The following ANGPTL4 variants were observed in gnomAD, a reference collection of about 807,000 sequenced individuals.
ANGPTL4 encodes angiopoietin like 4.
A neutral mutation model predicts 39.2 loss-of-function variants in ANGPTL4; 39 were observed. The observed-to-expected ratio is 1.00, with a 90% confidence interval of 0.77 to 1.30. The LOEUF is 1.30. ANGPTL4 is among the 50% of genes most tolerant of loss of function. ANGPTL4 has a pLI of 0.00. For synonymous variants in ANGPTL4, 233 were observed against 229.5 expected, an observed-to-expected ratio of 1.02 and a Z score of -0.14; for missense variants, 545 against 549.8, an observed-to-expected ratio of 0.99 and a Z score of 0.09.
intron 2 of ANGPTL4, 49 bp from the exon 3 acceptor site, chr19:8,366,153 G>A: frequency 6.2e-7 from 1 of 1,611,032 alleles, no homozygotes; most frequent in Non-Finnish European, 8.5e-7. Context: ...GTGTGGCTGG[G>A]GACGTGGGGC....
intron 1 of ANGPTL4, among the ~76,000 whole-genome samples, chr19:8,365,333 C>T (rs927906970): frequency 1.0e-4 from 15 of 144,992 alleles, no homozygotes; most frequent in African/African-American, 3.9e-4. Flanking sequence ...CAAAAATTAG[C>T]TGGGTGTGGT....
chr19:8,373,841 C>T lies in ANGPTL4; in HGVS notation c.1176C>T (p.Ala392=), dbSNP rs1971178403. ...GGGGCCGCTACTACCCGCTGCAGGC[C>T]ACCACCATGTTGATCCAGCCCATGG... is the stretch of plus-strand genomic sequence containing the variant. ...TWRGRYYPLQ[A]TTMLIQPMAA... The change falls in exon 7 of 7, where the codon GCC becomes GCT. Residue 392 remains alanine (A), a synonymous_variant. Transcript: ENST00000301455. The T allele has an allele frequency of 1.9e-6, 3 of 1,613,818 alleles. No homozygotes were observed. The East Asian group carries it at 6.7e-5, about 36-fold the overall frequency.
chr19:8,367,015 T>C (rs1971020341), intron 3 of ANGPTL4, among the ~76,000 whole-genome samples: 1 of 151,974 alleles, frequency 6.6e-6, no homozygotes, highest in Non-Finnish European at 1.5e-5. Context: ...CGCGGTTCTC[T>C]AAGTTCACGG....
intron 3 of ANGPTL4, among the ~76,000 whole-genome samples, chr19:8,369,003 G>A (rs757915624): frequency 3.9e-5 from 6 of 152,212 alleles, no homozygotes; most frequent in Admixed American, 3.9e-4. Context: ...GGATGGGCAC[G>A]GGGGCTGGTC....
chr19:8,372,171 C>G (rs1006861905), intron 6 of ANGPTL4, among the ~76,000 whole-genome samples: 1 of 151,814 alleles, frequency 6.6e-6, no homozygotes, highest in Non-Finnish European at 1.5e-5. Flanking sequence ...ATTCTCCTGC[C>G]TCAGCCTCCT....
At chr19:8,366,717 T>G (rs999807061) in intron 3 of ANGPTL4, among the ~76,000 whole-genome samples, 2 of 151,892 alleles carry the variant, frequency 1.3e-5, no homozygotes, top group Non-Finnish European at 2.9e-5. Flanking sequence ...GGTAGTAGTG[T>G]TTGTAGATTT....
chr19:8,364,396 C>T lies in ANGPTL4; in HGVS notation c.75C>T (p.Gly25=). ...CCGCCGTGCTACTGAGCGCTCAGGG[C>T]GGACCCGTGCAGTCCAAGTCGCCGC... ...AATAVLLSAQ[G]GPVQSKSPRF... Residue 25 remains glycine (G), a synonymous_variant, in exon 1 of 7, where the codon GGC becomes GGT. Coordinates refer to ENST00000301455, the MANE Select transcript of ANGPTL4 (RefSeq NM_139314.3). 6.5e-7 allele frequency: 1 copy of T among 1,546,238 alleles called. No homozygotes were observed.
At chr19:8,372,768 G>A (rs1308147852) in intron 6 of ANGPTL4, among the ~76,000 whole-genome samples, 2 of 151,890 alleles carry the variant, frequency 1.3e-5, no homozygotes, top group African/African-American at 4.8e-5. Context: ...ACTCAAGCCT[G>A]GGTGACAGAG....
chr19:8,370,197 C>T (rs1328039656), intron 4 of ANGPTL4, among the ~76,000 whole-genome samples: 2 of 151,612 alleles, frequency 1.3e-5, no homozygotes, highest in Admixed American at 6.6e-5. Flanking sequence ...AGCGAGACTC[C>T]GTCCCCCCAT....
At chr19:8,370,751 T>C (rs1244144199) in intron 4 of ANGPTL4, among the ~76,000 whole-genome samples, 1 of 151,726 alleles carries the variant, frequency 6.6e-6, no homozygotes, top group Non-Finnish European at 1.5e-5. Context: ...GAGAAGTCCT[T>C]TCCATTACAA....
At position 8,371,028 on chromosome 19, in the gene ANGPTL4, C is replaced by T. The variant is rs1034702074; in HGVS notation, c.662-28C>T. The T allele has an allele frequency of 6.4e-7, 1 of 1,563,364 alleles. No homozygotes were observed. The highest frequency in any genetic ancestry group is 2.4e-5 in the East Asian group (1 of 42,078). On this transcript the variant is annotated intron_variant, in intron 4 of 6. Transcript: ENST00000301455. This position sits in a 1 kb window ranked among gnomAD's most constrained non-coding sequence, Gnocchi z 5.1. Reference sequence around the variant, plus strand: ...TGGGGTCGTCTGTGAAGAGGGACTTCCTGGTGACCTTGTACCTTTCTGGGC... The same window carrying T: ...TGGGGTCGTCTGTGAAGAGGGACTTTCTGGTGACCTTGTACCTTTCTGGGC...
chr19:8,371,672 C>A lies in ANGPTL4; in HGVS notation c.1039+150C>A. ...GTGTGTGATTGGGCCACTAACTTAG[C>A]CTATCTGGCCTCAGTTTTCCCATCC... On this transcript the variant is annotated intron_variant, in intron 6 of 6. Coordinates refer to ENST00000301455, the MANE Select transcript of ANGPTL4 (RefSeq NM_139314.3). The surrounding 1 kb of genome is among the most constrained non-coding windows in gnomAD (Gnocchi z 5.1). The A allele has an allele frequency of 8.0e-6, 9 of 1,128,568 alleles. No homozygotes were observed. 69.9% of individuals were successfully genotyped at this position (1,128,568 alleles called of 1,614,324 possible). A position where few individuals can be genotyped will look rare whatever the true frequency, so the allele number is the denominator to read the frequency against.
At chr19:8,368,542 T>C (rs1349967235) in intron 3 of ANGPTL4, among the ~76,000 whole-genome samples, 2 of 152,032 alleles carry the variant, frequency 1.3e-5, no homozygotes, top group Non-Finnish European at 2.9e-5. Flanking sequence ...TTCCAGAAGC[T>C]GGGACCCAGA....
chr19:8,364,182 C>T lies in ANGPTL4; in HGVS notation c.-140C>T, dbSNP rs35137994. On this transcript the variant is annotated 5_prime_UTR_variant, in exon 1 of 7. In the 5' UTR this introduces an upstream ATG that the reference lacks. Transcript: ENST00000301455. ...AAGCCGAGCTGAGCGGATCCTCACA[C>T]GACTGTGATCCGATTCTTTCCAGCG... The T allele has an allele frequency of 0.063, 56,896 of 909,746 alleles. 2,362 individuals are homozygous for T. Among genetic ancestry groups the T allele is most frequent in the South Asian group, 0.15 (8,529 of 58,338 alleles). The allele number at this position is 909,746 out of a possible 1,614,324, so 56.4% of individuals were successfully genotyped here. A position where few individuals can be genotyped will look rare whatever the true frequency, so the allele number is the denominator to read the frequency against.
chr19:8,370,195 T>C (rs1023880824), intron 4 of ANGPTL4, among the ~76,000 whole-genome samples: 3 of 148,668 alleles, frequency 2.0e-5, no homozygotes, highest in African/African-American at 5.0e-5. Context: ...AGAGCGAGAC[T>C]CCGTCCCCCC....
At position 8,371,029 on chromosome 19, in the gene ANGPTL4, C is replaced by T. The variant is rs959345893; in HGVS notation, c.662-27C>T. On this transcript the variant is annotated intron_variant, in intron 4 of 6. Coordinates refer to ENST00000301455, the MANE Select transcript of ANGPTL4 (RefSeq NM_139314.3). The surrounding 1 kb of genome is among the most constrained non-coding windows in gnomAD (Gnocchi z 5.1). Reference sequence around the variant, plus strand: ...GGGGTCGTCTGTGAAGAGGGACTTCCTGGTGACCTTGTACCTTTCTGGGCA... The same window carrying T: ...GGGGTCGTCTGTGAAGAGGGACTTCTTGGTGACCTTGTACCTTTCTGGGCA... 5 of 1,564,218 alleles carry T rather than the reference C, an allele frequency of 3.2e-6. No individual in the cohort carries two copies. The highest frequency in any genetic ancestry group is 4.3e-6 in the Non-Finnish European group (5 of 1,153,696).
At position 8,364,283 on chromosome 19, in the gene ANGPTL4, G is replaced by A. The variant is rs1970947595; in HGVS notation, c.-39G>A. 3.3e-6 allele frequency: 5 copies of A among 1,526,662 alleles called. No individual in the cohort carries two copies. The Admixed American group carries it at 5.9e-5, about 18-fold the overall frequency. 94.6% of individuals were successfully genotyped at this position (1,526,662 alleles called of 1,614,324 possible). A position where few individuals can be genotyped will look rare whatever the true frequency, so the allele number is the denominator to read the frequency against. On this transcript the variant is annotated 5_prime_UTR_variant, in exon 1 of 7. Transcript: ENST00000301455. ...TCGCACCTGGAACCCCAACGTCCCCGAGAGTCCCCGAATCCCCGCTCCCAG... is the reference window on the plus strand; with the variant it reads ...TCGCACCTGGAACCCCAACGTCCCCAAGAGTCCCCGAATCCCCGCTCCCAG...
Position 8,369,298 on chromosome 19 carries a change from T to A in ANGPTL4, c.627T>A (p.Ser209=). ...TATTTGAAATCCAGCCTCAGGGGTC[T>A]CCGCCATTTTTGGTGAACTGCAAGA... is the stretch of plus-strand genomic sequence containing the variant. The part of the protein sequence containing the change: ...SGLFEIQPQG[S]PPFLVNCKMT... Residue 209 remains serine, a synonymous_variant, in exon 4 of 7, where the codon TCT becomes TCA. Coordinates refer to ENST00000301455, the MANE Select transcript of ANGPTL4 (RefSeq NM_139314.3). The A allele has an allele frequency of 6.2e-7, 1 of 1,612,280 alleles. No individual in the cohort carries two copies. Among genetic ancestry groups the A allele is most frequent in the Non-Finnish European group, 8.5e-7 (1 of 1,179,756 alleles).
Position 8,366,214 on chromosome 19 carries a change from G to A in ANGPTL4, c.442G>A (p.Asp148Asn). The change falls in exon 3 of 7, where the codon GAC (aspartate) becomes AAC (asparagine). Residue 148 changes from aspartate (D) to asparagine (N), a missense_variant. Physicochemically the swap from Asp to Asn is conservative, Grantham distance 23 (BLOSUM62 1). Coordinates refer to ENST00000301455, the MANE Select transcript of ANGPTL4 (RefSeq NM_139314.3). The stretch of plus-strand genomic sequence containing the variant: ...CGTCCCATCCTAGTTTGGCCTCCTG[G>A]ACCACAAGCACCTAGACCATGAGGT... Reference protein sequence around the residue: ...QHLQSQFGLLDHKHLDHEVAK... With the variant: ...QHLQSQFGLLNHKHLDHEVAK... The A allele has an allele frequency of 6.2e-7, 1 of 1,614,104 alleles. No homozygotes were observed. The highest frequency in any genetic ancestry group is 8.5e-7 in the Non-Finnish European group (1 of 1,180,040).
Sources: gnomAD v4.1 joint callset for allele counts (sites outside exome capture counted in the v4.1 genomes callset) on GRCh38, gnomAD v4.1.1 for gene constraint, Gnocchi (gnomAD v3.1) non-coding constraint, MANE v1.5 for transcripts, NCBI Gene and HGNC (gene_info 2026-07-23, HGNC 2026-07-21) for gene names.